The following FOXN3 variants were observed in gnomAD, a reference collection of about 807,000 sequenced individuals.
FOXN3 encodes forkhead box N3.
A neutral mutation model predicts 38.4 loss-of-function variants in FOXN3; 7 were observed. The ratio of observed to expected loss-of-function variants is 0.18; its 90% CI spans 0.10 to 0.34. The LOEUF is 0.34. Ranked by LOEUF, FOXN3 falls within the 10% of genes least tolerant of loss-of-function variation. The pLI is 1.00. For missense variants in FOXN3, 456 were observed against 613.4 expected (o/e 0.74, Z 2.71); for synonymous variants, 230 against 242.2 (o/e 0.95, Z 0.47).
chr14:89,595,339 A>C (rs956848603), intron 1 of FOXN3, among the ~76,000 whole-genome samples: 4 of 151,918 alleles, frequency 2.6e-5, no homozygotes, highest in African/African-American at 9.7e-5. Flanking sequence ...AAAAAAAAGA[A>C]GTAAGTCTTC....
At chr14:89,350,513 C>G (rs983545725) in intron 3 of FOXN3, 159 bp downstream of exon 3, 5 of 582,578 alleles carry the variant, frequency 8.6e-6, no homozygotes, top group Non-Finnish European at 1.4e-5. Flanking sequence ...GTAGGAAATA[C>G]AACAGTGGAT....
At chr14:89,490,765 C>T (rs1307254408) in intron 1 of FOXN3, among the ~76,000 whole-genome samples, 3 of 152,202 alleles carry the variant, frequency 2.0e-5, no homozygotes, top group Non-Finnish European at 4.4e-5. Flanking sequence ...TTCGGAATCT[C>T]AGCAGCCAAC....
chr14:89,368,448 G>A (rs537022798), intron 2 of FOXN3, among the ~76,000 whole-genome samples: 1 of 151,952 alleles, frequency 6.6e-6, no homozygotes, highest in Admixed American at 6.5e-5. Flanking sequence ...TTCAAGACCA[G>A]CCTGGGCAAC....
chr14:89,221,630 C>T (rs923298374), intron 4 of FOXN3, among the ~76,000 whole-genome samples: 3 of 152,180 alleles, frequency 2.0e-5, no homozygotes, highest in African/African-American at 7.2e-5. Context: ...GGATCAAAGG[C>T]CTTTGTCAGA....
At chr14:89,344,677 C>T (rs990023706) in intron 3 of FOXN3, among the ~76,000 whole-genome samples, 6 of 152,040 alleles carry the variant, frequency 3.9e-5, no homozygotes, top group African/African-American at 1.5e-4. Flanking sequence ...ACTATAAGTA[C>T]CAAAATCACA....
At chr14:89,238,608 C>T (rs1215490353) in intron 4 of FOXN3, among the ~76,000 whole-genome samples, 1 of 152,208 alleles carries the variant, frequency 6.6e-6, no homozygotes, top group African/African-American at 2.4e-5. Context: ...CCTACAGTTA[C>T]ATAGAGAACT....
chr14:89,468,601 G>T (rs1893031118), intron 1 of FOXN3, among the ~76,000 whole-genome samples: 1 of 152,144 alleles, frequency 6.6e-6, no homozygotes, highest in South Asian at 2.1e-4. Flanking sequence ...GGGGATAGAT[G>T]AGTTAACACA....
chr14:89,324,382 G>A (rs966842715), intron 3 of FOXN3, among the ~76,000 whole-genome samples: 3 of 152,032 alleles, frequency 2.0e-5, no homozygotes, highest in East Asian at 1.9e-4. Context: ...AGAGTGCTGG[G>A]AAGCATTAAG....
intron 1 of FOXN3, among the ~76,000 whole-genome samples, chr14:89,561,823 T>C (rs1329272404): frequency 1.3e-5 from 2 of 152,188 alleles, no homozygotes; most frequent in Non-Finnish European, 2.9e-5. Flanking sequence ...TTCAACCTCT[T>C]ACCAGAAAAC....
chr14:89,387,188 G>A lies in FOXN3; in HGVS notation c.543+24746C>T, dbSNP rs190966103. Among the ~76,000 whole-genome samples, 387 of 152,300 alleles carry A rather than the reference G, an allele frequency of 2.5e-3. 1 individual carries two copies. The highest frequency in any genetic ancestry group is 3.9e-3 in the Non-Finnish European group (264 of 68,026). Reference sequence around the variant, plus strand: ...CAAGAATCACTTGAACCCAGAAGGCGAAGGTTGCAGTAAGCCGAGATCGTG... The same window carrying A: ...CAAGAATCACTTGAACCCAGAAGGCAAAGGTTGCAGTAAGCCGAGATCGTG... On this transcript the variant is annotated intron_variant, in intron 2 of 5. Transcript: ENST00000557258.
At chr14:89,494,746 T>C (rs1230804649) in intron 1 of FOXN3, among the ~76,000 whole-genome samples, 1 of 152,220 alleles carries the variant, frequency 6.6e-6, no homozygotes, top group Non-Finnish European at 1.5e-5. Flanking sequence ...TAGCAGGCTA[T>C]AAACCCAATA....
chr14:89,223,614 G>C (rs370233186), intron 4 of FOXN3, among the ~76,000 whole-genome samples: 7 of 152,332 alleles, frequency 4.6e-5, no homozygotes, highest in African/African-American at 1.7e-4. Context: ...GTCCCTTTCA[G>C]AAAGCATCTG....
chr14:89,481,352 C>G (rs1893324524), intron 1 of FOXN3, among the ~76,000 whole-genome samples: 1 of 152,150 alleles, frequency 6.6e-6, no homozygotes, highest in African/African-American at 2.4e-5. Flanking sequence ...TCAGGAGACA[C>G]GCACGTCAGT....
intron 3 of FOXN3, among the ~76,000 whole-genome samples, chr14:89,344,970 C>T (rs1353161195): frequency 1.3e-5 from 2 of 152,120 alleles, no homozygotes; most frequent in African/African-American, 4.8e-5. Flanking sequence ...AACACACCAC[C>T]CCTCCTTCCA....
At chr14:89,439,800 C>CAT (rs1892341257) in intron 1 of FOXN3, among the ~76,000 whole-genome samples, 2 of 150,276 alleles carry the variant, frequency 1.3e-5, no homozygotes, top group African/African-American at 4.9e-5. Flanking sequence ...GGATTACAGG[C>CAT]GCCCGCCACC....
At chr14:89,617,970 C>T (rs1896523437) in intron 1 of FOXN3, among the ~76,000 whole-genome samples, 1 of 152,206 alleles carries the variant, frequency 6.6e-6, no homozygotes, top group African/African-American at 2.4e-5. Flanking sequence ...ACCCTCCGAG[C>T]TGCTCTCCTC....
At chr14:89,171,902 T>A (rs1887398301) in intron 5 of FOXN3, among the ~76,000 whole-genome samples, 1 of 152,014 alleles carries the variant, frequency 6.6e-6, no homozygotes, top group Non-Finnish European at 1.5e-5. Flanking sequence ...AAAGAAAAGA[T>A]ACAATAATTA....
intron 4 of FOXN3, among the ~76,000 whole-genome samples, chr14:89,231,515 T>C (rs1294910753): frequency 6.6e-6 from 1 of 151,848 alleles, no homozygotes; most frequent in Non-Finnish European, 1.5e-5. Context: ...CGGTCCACTA[T>C]GGAGGGAAGG....
chr14:89,313,902 T>A (rs938909258), intron 3 of FOXN3, among the ~76,000 whole-genome samples: 3 of 152,136 alleles, frequency 2.0e-5, no homozygotes, highest in African/African-American at 7.2e-5. Context: ...AAACACTATA[T>A]TATTCCATAT....
Sources: allele counts gnomAD v4.1 joint callset (sites outside exome capture counted in the v4.1 genomes callset), GRCh38; gene constraint gnomAD v4.1.1; transcripts MANE v1.5; gene names NCBI Gene and HGNC (gene_info 2026-07-23, HGNC 2026-07-21).